FAM167A: variants seen among roughly 807,000 people sequenced by gnomAD.
FAM167A encodes the protein family with sequence similarity 167 member A.
In FAM167A, 23 loss-of-function variants were observed where a neutral mutation model predicts 14.9. That is an observed-to-expected ratio of 1.55 (90% CI 1.11 to 2.19). FAM167A has a LOEUF of 2.19. Ranked by LOEUF, FAM167A falls within the 30% of genes most tolerant of loss-of-function variation. FAM167A has a pLI of 0.00. For missense variants in FAM167A, 401 were observed against 281.5 expected, an observed-to-expected ratio of 1.42 and a Z score of -3.04; for synonymous variants, 174 against 117.7, an observed-to-expected ratio of 1.48 and a Z score of -3.10.
rs1213376664 is a variant in FAM167A, at chr8:11,422,070, A to G, written c.*2303T>C. 1.6e-5 allele frequency: 6 copies of G among 365,736 alleles called. No homozygotes were observed. Among genetic ancestry groups the G allele is most frequent in the Non-Finnish European group, 2.9e-5 (6 of 206,050 alleles). The allele number at this position is 365,736 out of a possible 1,614,324, so 22.7% of individuals were successfully genotyped here. On this transcript the variant is annotated 3_prime_UTR_variant, in exon 3 of 3. Coordinates refer to ENST00000284486, the MANE Select transcript of FAM167A (RefSeq NM_053279.3). ...ATAAACCGAGCAAAATAGCTCAGAC[A>G]TTTAACTTATCCCCAAACATGTGTC...
intron 2 of FAM167A, among the ~76,000 whole-genome samples, chr8:11,430,201 C>T (rs1402848413): frequency 5.9e-5 from 9 of 152,208 alleles, no homozygotes; most frequent in African/African-American, 2.2e-4. Flanking sequence ...CTCAGAGGTG[C>T]AGCCTGTAAT....
intron 2 of FAM167A, chr8:11,443,767 A>T (rs1806585784): frequency 2.2e-6 from 1 of 449,936 alleles, no homozygotes. Flanking sequence ...ACACCTTAAC[A>T]TGGGTTCAGG....
At chr8:11,441,925 T>C (rs891735949) in intron 2 of FAM167A, among the ~76,000 whole-genome samples, 29 of 152,082 alleles carry the variant, frequency 1.9e-4, no homozygotes, top group African/African-American at 7.0e-4. Context: ...CATCCGACAA[T>C]TAGAAGAGGT....
upstream of FAM167A, among the ~76,000 whole-genome samples, chr8:11,470,045 T>G (rs958774863): frequency 1.6e-4 from 24 of 152,244 alleles, no homozygotes; most frequent in African/African-American, 5.5e-4. Flanking sequence ...GAAATGTTAG[T>G]GAACAAGTTA....
At chr8:11,431,960 G>A (rs942879847) in intron 2 of FAM167A, among the ~76,000 whole-genome samples, 2 of 151,704 alleles carry the variant, frequency 1.3e-5, no homozygotes, top group Non-Finnish European at 2.9e-5. Flanking sequence ...GCTGGCCGGG[G>A]TGACTCAACT....
chr8:11,427,386 G>C (rs1018309136), intron 2 of FAM167A, among the ~76,000 whole-genome samples: 2 of 152,206 alleles, frequency 1.3e-5, no homozygotes, highest in African/African-American at 4.8e-5. Context: ...CAGGTTGCCA[G>C]CTGCTCCTAC....
intron 1 of FAM167A, among the ~76,000 whole-genome samples, chr8:11,473,522 T>G (rs1808026620): frequency 6.6e-6 from 1 of 152,120 alleles, no homozygotes; most frequent in African/African-American, 2.4e-5. Context: ...ATACGTAACT[T>G]CTCTCCTAAA....
intron 2 of FAM167A, among the ~76,000 whole-genome samples, chr8:11,437,532 G>A (rs933388575): frequency 6.6e-5 from 10 of 152,200 alleles, no homozygotes; most frequent in Non-Finnish European, 1.0e-4. Context: ...CTGACTTGAA[G>A]TTGAATCTAA....
rs1806628453 is a variant in FAM167A at position 11,444,155 on chromosome 8, C to G, written c.257G>C (p.Arg86Thr). 1.2e-6 allele frequency: 2 copies of G among 1,613,150 alleles called. No homozygotes were observed. The highest frequency in any genetic ancestry group is 8.5e-7 in the Non-Finnish European group (1 of 1,179,870). The change falls in exon 2 of 3, where the codon AGA becomes ACA. Residue 86 changes from arginine to threonine, a missense_variant. Transcript: ENST00000284486. Reference protein sequence around the residue: ...RGGQEPLLPLREAGQHPPSAR... With the variant: ...RGGQEPLLPLTEAGQHPPSAR... Reference sequence around the variant, plus strand: ...AGAAGGGGGGTGCTGCCCAGCCTCTCTCAGGGGGAGCAAGGGCTCCTGCCC... The same window carrying G: ...AGAAGGGGGGTGCTGCCCAGCCTCTGTCAGGGGGAGCAAGGGCTCCTGCCC...
At chr8:11,459,137 G>A (rs1807441640) in intron 1 of FAM167A, among the ~76,000 whole-genome samples, 1 of 152,154 alleles carries the variant, frequency 6.6e-6, no homozygotes, top group Non-Finnish European at 1.5e-5. Context: ...AGAAGGAGGA[G>A]GAAAAGAGGA....
chr8:11,424,412 G>T lies in FAM167A; in HGVS notation c.606C>A (p.Thr202=). 2.5e-6 allele frequency: 4 copies of T among 1,614,060 alleles called. No individual in the cohort carries two copies. Among genetic ancestry groups the T allele is most frequent in the Non-Finnish European group, 3.4e-6 (4 of 1,180,004 alleles). Residue 202 remains threonine (T), a synonymous_variant, in exon 3 of 3, where the codon ACC becomes ACA. Coordinates refer to ENST00000284486, the MANE Select transcript of FAM167A (RefSeq NM_053279.3). ...ACCTCCGAGAGTTGATGTTCATCTTGGTCACGCCAATAAGCTTGAGTGGTG... is the reference window on the plus strand; with the variant it reads ...ACCTCCGAGAGTTGATGTTCATCTTTGTCACGCCAATAAGCTTGAGTGGTG... The part of the protein sequence containing the change: ...LSTPLKLIGV[T]KMNINSRRFS...
chr8:11,470,012 CA>C (rs1313241664), upstream of FAM167A, among the ~76,000 whole-genome samples: 1 of 152,098 alleles, frequency 6.6e-6, no homozygotes, highest in African/African-American at 2.4e-5. Flanking sequence ...CACTAAATAC[CA>C]GACATTGTTC....
chr8:11,441,830 C>T (rs1237197625), intron 2 of FAM167A, among the ~76,000 whole-genome samples: 1 of 152,172 alleles, frequency 6.6e-6, no homozygotes, highest in Non-Finnish European at 1.5e-5. Flanking sequence ...TCTGCCCCCA[C>T]CCCCATGCAT....
At chr8:11,438,229 G>A (rs992725176) in intron 2 of FAM167A, 2 of 432,838 alleles carry the variant, frequency 4.6e-6, no homozygotes, top group Non-Finnish European at 4.6e-6. Context: ...CTGCTGTGGG[G>A]ATCCTCCAAC....
intron 1 of FAM167A, among the ~76,000 whole-genome samples, chr8:11,456,399 G>GTGTGAA: frequency 9.0e-6 from 1 of 111,056 alleles, no homozygotes; most frequent in African/African-American, 3.3e-5. Context: ...GTGTGTGTGA[G>GTGTGAA]TGTGGGGGGT....
At position 11,423,501 on chromosome 8, in the gene FAM167A, C is replaced by G. The variant is rs540523402; in HGVS notation, c.*872G>C. On this transcript the variant is annotated 3_prime_UTR_variant, in exon 3 of 3. Coordinates refer to ENST00000284486, the MANE Select transcript of FAM167A (RefSeq NM_053279.3). ...TTCCAGAGAGGGCAGTAAGGTGACACCACCAGAATCCACCAGGAGGCCCCG... is the reference window on the plus strand; with the variant it reads ...TTCCAGAGAGGGCAGTAAGGTGACAGCACCAGAATCCACCAGGAGGCCCCG... 1.2e-4 allele frequency: 18 copies of G among 152,562 alleles called. No individual in the cohort carries two copies. The highest frequency in any genetic ancestry group is 4.3e-4 in the African/African-American group (18 of 41,566). 9.5% of individuals were successfully genotyped at this position (152,562 alleles called of 1,614,324 possible).
In FAM167A at chr8:11,421,579, C is replaced by A. The variant is rs184286437; in HGVS notation, c.*2794G>T. ...ATAAAAAATAAAAGTATAAATCGTC[C>A]ATTGATTATGTAATAGCACTTGGTA... On this transcript the variant is annotated 3_prime_UTR_variant, in exon 3 of 3. Coordinates refer to ENST00000284486, the MANE Select transcript of FAM167A (RefSeq NM_053279.3). The A allele has an allele frequency of 7.1e-4, 284 of 397,646 alleles. No individual in the cohort carries two copies. The highest frequency in any genetic ancestry group is 1.1e-3 in the Non-Finnish European group (241 of 225,806). 24.6% of individuals were successfully genotyped at this position (397,646 alleles called of 1,614,324 possible).
intron 2 of FAM167A, among the ~76,000 whole-genome samples, chr8:11,431,014 A>AAGTT (rs1016281897): frequency 3.9e-5 from 6 of 152,206 alleles, no homozygotes; most frequent in African/African-American, 7.2e-5. Context: ...GGGTCCCGGA[A>AAGTT]AGTTAAACAG....
chr8:11,460,859 C>G (rs1807509923), intron 1 of FAM167A, among the ~76,000 whole-genome samples: 1 of 152,162 alleles, frequency 6.6e-6, no homozygotes, highest in African/African-American at 2.4e-5. Context: ...CCTTGCTTGT[C>G]TCGCTGGGAC....
Sources: allele counts gnomAD v4.1 joint callset (sites outside exome capture counted in the v4.1 genomes callset), GRCh38; gene constraint gnomAD v4.1.1; transcripts MANE v1.5; gene names NCBI Gene and HGNC (gene_info 2026-07-23, HGNC 2026-07-21).